Variants in ARL8B observed in about 807,000 individuals in gnomAD.
The protein encoded by ARL8B is ADP-ribosylation factor-like protein 8B.
ARL8B carries 9 observed loss-of-function variants against 30.6 expected under a neutral mutation model. That is an observed-to-expected ratio of 0.29 (90% confidence interval 0.18 to 0.51). ARL8B has a LOEUF of 0.51. Ranked by LOEUF, ARL8B falls within the 20% of genes least tolerant of loss-of-function variation. The pLI is 0.97. For synonymous variants in ARL8B, 74 were observed against 76.0 expected (o/e 0.97, Z 0.14); for missense variants, 130 against 227.2 (o/e 0.57, Z 2.75).
intron 2 of ARL8B, among the ~76,000 whole-genome samples, chr3:5,171,597 C>G (rs141317854): frequency 6.6e-6 from 1 of 152,100 alleles, no homozygotes; most frequent in Non-Finnish European, 1.5e-5. Context: ...ATCCACCCGC[C>G]TCGGCCTCCC....
chr3:5,136,591 G>C (rs1337466171), intron 1 of ARL8B, among the ~76,000 whole-genome samples: 3 of 152,162 alleles, frequency 2.0e-5, no homozygotes, highest in Non-Finnish European at 2.9e-5. Context: ...CTAGCTGTTA[G>C]TACTACCCTA....
chr3:5,153,577 G>T (rs751450149), intron 1 of ARL8B, among the ~76,000 whole-genome samples: 2 of 151,810 alleles, frequency 1.3e-5, no homozygotes, highest in South Asian at 2.1e-4. Flanking sequence ...GGACTAATAC[G>T]TACACCTACC....
In ARL8B at chr3:5,152,694, C is replaced by A. The variant is rs180740067; in HGVS notation, c.124-17809C>A. 5.3e-5 allele frequency among the ~76,000 whole-genome samples: 8 copies of A among 152,328 alleles called. No individual in the cohort carries two copies. The East Asian group carries it at 1.5e-3, about 29-fold the overall frequency. ...AGAGATAGAGTCTTGCTAGGTTGCTCAGGCTGGTCTCGAACTGCTAGCCTC... is the reference window on the plus strand; with the variant it reads ...AGAGATAGAGTCTTGCTAGGTTGCTAAGGCTGGTCTCGAACTGCTAGCCTC... On this transcript the variant is annotated intron_variant, in intron 1 of 6. Coordinates refer to ENST00000256496, the MANE Select transcript of ARL8B (RefSeq NM_018184.3).
chr3:5,138,043 T>C (rs986436370), intron 1 of ARL8B, among the ~76,000 whole-genome samples: 2 of 151,940 alleles, frequency 1.3e-5, no homozygotes, highest in African/African-American at 4.8e-5. Flanking sequence ...TTTTTTTTTT[T>C]CGGTGCCATA....
chr3:5,171,505 C>G (rs2054675587), intron 2 of ARL8B, among the ~76,000 whole-genome samples: 1 of 152,060 alleles, frequency 6.6e-6, no homozygotes, highest in South Asian at 2.1e-4. Flanking sequence ...TGCCACCACA[C>G]CTGGCTAATT....
chr3:5,172,116 T>A (rs371474083), intron 2 of ARL8B, 34 bp from the exon 3 acceptor site: 1 of 1,556,586 alleles, frequency 6.4e-7, no homozygotes, highest in Non-Finnish European at 8.8e-7. Flanking sequence ...AATTAAAATA[T>A]CTTTATTAAG....
intron 1 of ARL8B, among the ~76,000 whole-genome samples, chr3:5,154,980 C>G (rs1240138814): frequency 6.6e-6 from 1 of 152,210 alleles, no homozygotes; most frequent in East Asian, 1.9e-4. Context: ...AGTGATCCTC[C>G]CACTTCAGCC....
chr3:5,128,328 C>T (rs1305443344), intron 1 of ARL8B: 1 of 311,634 alleles, frequency 3.2e-6, no homozygotes, highest in African/African-American at 2.2e-5. Context: ...AGAAGCTAGT[C>T]TTCCAATAAG....
At chr3:5,153,658 C>G (rs1393178335) in intron 1 of ARL8B, among the ~76,000 whole-genome samples, 1 of 152,116 alleles carries the variant, frequency 6.6e-6, no homozygotes, top group Non-Finnish European at 1.5e-5. Flanking sequence ...TTTCAGCCAT[C>G]AAACATTTTA....
chr3:5,135,756 CTATTATTATTATTATTATTATTATTAT>C (rs111824873), intron 1 of ARL8B, among the ~76,000 whole-genome samples: 9 of 126,910 alleles, frequency 7.1e-5, no homozygotes, highest in Non-Finnish European at 1.1e-4. Context: ...CGCACCTGGC[CTATTATTATTATTATTATTATTATTAT>C]TATTATTATT....
In ARL8B at chr3:5,175,157, G is replaced by A. The variant is rs1036118219; in HGVS notation, c.511+743G>A. 3.9e-5 allele frequency among the ~76,000 whole-genome samples: 6 copies of A among 152,102 alleles called. 1 individual carries two copies. Among genetic ancestry groups the A allele is most frequent in the African/African-American group, 1.4e-4 (6 of 41,406 alleles). ...AAAAGAGGAAATTGCACTTTTAAGC[G>A]AAATGACATACAGTAGGCCCTCATT... On this transcript the variant is annotated intron_variant, in intron 6 of 6. Transcript: ENST00000256496.
At chr3:5,135,599 C>G (rs547555050) in intron 1 of ARL8B, among the ~76,000 whole-genome samples, 2 of 151,274 alleles carry the variant, frequency 1.3e-5, no homozygotes, top group South Asian at 4.2e-4. Flanking sequence ...GCTGAGATTA[C>G]AGGTGCACGC....
At chr3:5,131,388 T>C (rs1201713040) in intron 1 of ARL8B, among the ~76,000 whole-genome samples, 1 of 127,256 alleles carries the variant, frequency 7.9e-6, no homozygotes, top group Non-Finnish European at 1.6e-5. Flanking sequence ...ATAAAAAAAT[T>C]AAAAAATTTT....
At chr3:5,157,522 T>C (rs2054543806) in intron 1 of ARL8B, among the ~76,000 whole-genome samples, 1 of 152,008 alleles carries the variant, frequency 6.6e-6, no homozygotes, top group Non-Finnish European at 1.5e-5. Flanking sequence ...AGGTTCTTTC[T>C]CCATACCACT....
intron 1 of ARL8B, among the ~76,000 whole-genome samples, chr3:5,127,872 CAAAAAAA>C (rs748657502): frequency 3.8e-4 from 4 of 10,578 alleles, no homozygotes; most frequent in African/African-American, 1.7e-3. Context: ...GACTCCGTCT[CAAAAAAA>C]AAAAAAAAAA....
chr3:5,139,982 G>GTTTT (rs1480195533), intron 1 of ARL8B, among the ~76,000 whole-genome samples: 1 of 129,332 alleles, frequency 7.7e-6, no homozygotes, highest in African/African-American at 3.3e-5. Context: ...GATGTGATTA[G>GTTTT]TTTTGTTTTT....
At chr3:5,137,157 T>C (rs572439912) in intron 1 of ARL8B, among the ~76,000 whole-genome samples, 7 of 152,172 alleles carry the variant, frequency 4.6e-5, no homozygotes, top group South Asian at 2.1e-4. Context: ...AGTTTCCTCA[T>C]TGGGGATTTG....
chr3:5,168,822 G>C (rs2054645448), intron 1 of ARL8B, among the ~76,000 whole-genome samples: 2 of 152,196 alleles, frequency 1.3e-5, no homozygotes, highest in Admixed American at 6.5e-5. Flanking sequence ...TAGTTGTAAA[G>C]TTTGGTACCT....
chr3:5,136,299 A>C (rs959726735), intron 1 of ARL8B, among the ~76,000 whole-genome samples: 2 of 152,210 alleles, frequency 1.3e-5, no homozygotes, highest in African/African-American at 4.8e-5. Context: ...TGATTTATGT[A>C]AGATAAACAA....
Sources: allele counts gnomAD v4.1 joint callset (sites outside exome capture counted in the v4.1 genomes callset), GRCh38; gene constraint gnomAD v4.1.1; transcripts MANE v1.5; gene names NCBI Gene and HGNC (gene_info 2026-07-23, HGNC 2026-07-21).